CHAF1A: variants seen among roughly 807,000 people sequenced by gnomAD.
The protein encoded by CHAF1A is CAF-1 subunit A.
CHAF1A carries 5 observed loss-of-function variants against 93.2 expected under a neutral mutation model. The observed-to-expected ratio is 0.05, with a 90% CI of 0.03 to 0.11. The LOEUF (loss-of-function observed/expected upper bound fraction) is 0.11, where lower values mean the gene tolerates loss of function less well. Ranked by LOEUF, CHAF1A falls within the 10% of genes least tolerant of loss-of-function variation. CHAF1A has a pLI of 1.00. For missense variants in CHAF1A, 1,102 were observed against 1,259.9 expected, an observed-to-expected ratio of 0.87 and a Z score of 1.90; for synonymous variants, 504 against 510.3, an observed-to-expected ratio of 0.99 and a Z score of 0.17.
At chr19:4,447,600 G>A, downstream of CHAF1A, 1 of 1,613,934 alleles carries the variant, frequency 6.2e-7, no homozygotes, top group Non-Finnish European at 8.5e-7. Context: ...TCCTCCTCGG[G>A]GTGCAGGTGG....
In CHAF1A at chr19:4,422,554, A is replaced by C. The variant is rs1481801703; in HGVS notation, c.1018-12A>C. The C allele has an allele frequency of 2.6e-6, 4 of 1,558,524 alleles. No homozygotes were observed. In the Admixed American group the frequency reaches 7.8e-5, roughly 30 times the overall value. On this transcript the variant is annotated splice_polypyrimidine_tract_variant and intron_variant, in intron 4 of 14. Transcript: ENST00000301280. The surrounding 1 kb of genome is among the most constrained non-coding windows in gnomAD (Gnocchi z 4.6). ...GGGAGGGCCACCTGTCACTTGCCAC[A>C]CTGTCTTGTAGGATCAGGAGCGTCT... is the stretch of plus-strand genomic sequence containing the variant.
In CHAF1A at chr19:4,405,930, G is replaced by T; in HGVS notation, c.71G>T (p.Arg24Ile). Reference sequence around the variant, plus strand: ...TTTGCAGCCATGGATTGCAAAGATAGACCAGCTTTTCCAGTTAAGAAGTTA... The same window carrying T: ...TTTGCAGCCATGGATTGCAAAGATATACCAGCTTTTCCAGTTAAGAAGTTA... ...GAATAMDCKD[R>I]PAFPVKKLIQ... is the part of the protein sequence containing the mutation. Residue 24 changes from arginine to isoleucine, a missense_variant, in exon 2 of 15, where the codon AGA becomes ATA. Transcript: ENST00000301280. 1 of 1,613,698 alleles carries T rather than the reference G, an allele frequency of 6.2e-7. No individual in the cohort carries two copies. The highest frequency in any genetic ancestry group is 1.1e-5 in the South Asian group (1 of 91,066).
chr19:4,423,900 T>C (rs1458033457), intron 7 of CHAF1A, 26 bp downstream of exon 7: 3 of 1,608,558 alleles, frequency 1.9e-6, no homozygotes, highest in Non-Finnish European at 2.6e-6. Flanking sequence ...CCTTTGCTTT[T>C]GGGTTTCAGC....
intron 10 of CHAF1A, 46 bp from the exon 11 acceptor site, chr19:4,430,503 C>A: frequency 7.4e-7 from 1 of 1,350,424 alleles, no homozygotes; most frequent in Non-Finnish European, 1.1e-6. Context: ...AAGGCACACA[C>A]TCTGCTTTTC....
downstream of CHAF1A, chr19:4,445,527 G>A: frequency 6.2e-7 from 1 of 1,613,968 alleles, no homozygotes; most frequent in African/African-American, 1.3e-5. Context: ...GCTGACAGGA[G>A]CTCGGGTTTC....
At chr19:4,447,127 GAA>G (rs1292818011), downstream of CHAF1A, 1 of 607,372 alleles carries the variant, frequency 1.6e-6, no homozygotes, top group East Asian at 2.7e-5. Context: ...CTGCACAGAG[GAA>G]AGAGTCACAA....
chr19:4,446,448 G>C, downstream of CHAF1A: 1 of 1,581,218 alleles, frequency 6.3e-7, no homozygotes, highest in Non-Finnish European at 8.6e-7. Flanking sequence ...GGGCTGGCCG[G>C]GGTTCTTCCA....
At chr19:4,427,406 C>T (rs1189012286) in intron 7 of CHAF1A, among the ~76,000 whole-genome samples, 1 of 145,636 alleles carries the variant, frequency 6.9e-6, no homozygotes, top group Admixed American at 7.0e-5. Context: ...GATCTCGGCT[C>T]ACTGCAACCT....
chr19:4,445,858 G>A (rs912363197), downstream of CHAF1A: 4 of 1,068,518 alleles, frequency 3.7e-6, no homozygotes, highest in East Asian at 2.6e-5. Flanking sequence ...GGGAAACTGA[G>A]GCGTGGAGTA....
intron 7 of CHAF1A, among the ~76,000 whole-genome samples, chr19:4,427,692 A>G (rs952345118): frequency 3.9e-5 from 6 of 152,128 alleles, no homozygotes; most frequent in Non-Finnish European, 8.8e-5. Flanking sequence ...GGTTCAAGCA[A>G]TTCTCCTGCC....
chr19:4,404,416 G>T (rs576637875), intron 1 of CHAF1A, among the ~76,000 whole-genome samples: 1 of 152,258 alleles, frequency 6.6e-6, no homozygotes, highest in South Asian at 2.1e-4. Context: ...ATAGATTTTT[G>T]TGATTGTCTC....
Position 4,414,620 on chromosome 19 carries a change from A to G in CHAF1A, c.961-3400A>G, listed in dbSNP as rs185547268. On this transcript the variant is annotated intron_variant, in intron 3 of 14. Coordinates refer to ENST00000301280, the MANE Select transcript of CHAF1A (RefSeq NM_005483.3). ...CAAGGGTGTCTTAGATGTTTTTTAT[A>G]TTGGGATGGAAAGATGGAGCTCTTT... 8.5e-4 allele frequency among the ~76,000 whole-genome samples: 130 copies of G among 152,222 alleles called. 1 individual carries two copies. The highest frequency in any genetic ancestry group is 2.9e-3 in the African/African-American group (119 of 41,538).
intron 13 of CHAF1A, among the ~76,000 whole-genome samples, chr19:4,436,891 A>G (rs1367881884): frequency 2.6e-5 from 4 of 152,226 alleles, no homozygotes; most frequent in Admixed American, 2.6e-4. Flanking sequence ...CCATGTGCCC[A>G]GCACCACATC....
chr19:4,407,347 C>A (rs1440077787), intron 2 of CHAF1A, among the ~76,000 whole-genome samples: 1 of 151,230 alleles, frequency 6.6e-6, no homozygotes, highest in Non-Finnish European at 1.5e-5. Flanking sequence ...TTGGGAAATT[C>A]ACTCTCCAAA....
At chr19:4,413,720 C>T (rs1208461787) in intron 3 of CHAF1A, among the ~76,000 whole-genome samples, 2 of 152,214 alleles carry the variant, frequency 1.3e-5, no homozygotes, top group African/African-American at 4.8e-5. Flanking sequence ...ACAGGTCCTG[C>T]TGTCCCTTTG....
rs1237362478 is a variant in CHAF1A, at chr19:4,442,932, A to T, written c.2778A>T (p.Gln926His). 1.3e-6 allele frequency: 2 copies of T among 1,593,506 alleles called. No homozygotes were observed. Among genetic ancestry groups the T allele is most frequent in the African/African-American group, 2.7e-5 (2 of 74,734 alleles). ...CCCTCTCTTGCCCTGCAGAGGTCCA[A>T]GCCCCGTGTGGAGCCGCTTCCGGAG... The part of the protein sequence containing the change: ...IVDVPDAAEV[Q>H]APCGAASGAG... The change falls in exon 15 of 15, where the codon CAA (glutamine) becomes CAT (histidine). Residue 926 changes from glutamine to histidine, a missense_variant. Coordinates refer to ENST00000301280, the MANE Select transcript of CHAF1A (RefSeq NM_005483.3).
rs573496543 is a variant in CHAF1A at position 4,438,975 on chromosome 19, C to T, written c.2674-3270C>T. On this transcript the variant is annotated intron_variant, in intron 13 of 14. Transcript: ENST00000301280. The stretch of plus-strand genomic sequence containing the variant: ...CCAGCCTGGGCAACAGAGCGGGATT[C>T]TGTCTCAAAAAAAAAGCATAGATGG... 3.3e-4 allele frequency among the ~76,000 whole-genome samples: 47 copies of T among 141,608 alleles called. 1 individual carries two copies. Among genetic ancestry groups the T allele is most frequent in the African/African-American group, 1.2e-3 (46 of 37,782 alleles). 92.9% of individuals were successfully genotyped at this position (141,608 alleles called of 152,430 possible).
At chr19:4,407,027 G>A (rs1292739317) in intron 2 of CHAF1A, among the ~76,000 whole-genome samples, 1 of 152,052 alleles carries the variant, frequency 6.6e-6, no homozygotes, top group East Asian at 1.9e-4. Flanking sequence ...TTTGAAACCA[G>A]CCTGGCCAAC....
At chr19:4,412,688 C>G (rs1460522444) in intron 3 of CHAF1A, among the ~76,000 whole-genome samples, 1 of 152,236 alleles carries the variant, frequency 6.6e-6, no homozygotes, top group Non-Finnish European at 1.5e-5. Context: ...CAACTGAGCA[C>G]ATGAACCCAG....
Sources: allele counts gnomAD v4.1 joint callset (sites outside exome capture counted in the v4.1 genomes callset), GRCh38; gene constraint gnomAD v4.1.1; non-coding constraint Gnocchi (gnomAD v3.1); transcripts MANE v1.5; gene names NCBI Gene and HGNC (gene_info 2026-07-23, HGNC 2026-07-21).